Variants in NXPH1 observed in about 807,000 individuals in gnomAD.
NXPH1 encodes the protein neurexophilin 1.
A neutral mutation model predicts 23.7 loss-of-function variants in NXPH1; 5 were observed. That is an observed-to-expected ratio of 0.21 (90% CI 0.11 to 0.44). The LOEUF is 0.44. NXPH1 is among the 20% of genes least tolerant of loss of function. The probability of loss-of-function intolerance (pLI) is 0.99; values close to 1 mark genes in which losing one functional copy is unlikely to be tolerated. For missense variants in NXPH1, 324 were observed against 321.6 expected (o/e 1.01, Z -0.06); for synonymous variants, 144 against 122.2 (o/e 1.18, Z -1.18).
intron 2 of NXPH1, among the ~76,000 whole-genome samples, chr7:8,620,756 C>G (rs1583198481): frequency 6.6e-6 from 1 of 152,188 alleles, no homozygotes. Context: ...GATGAAGTTA[C>G]CGTCACTAAA....
At chr7:8,578,464 A>G (rs1050335647) in intron 2 of NXPH1, among the ~76,000 whole-genome samples, 2 of 152,218 alleles carry the variant, frequency 1.3e-5, no homozygotes, top group African/African-American at 4.8e-5. Context: ...GCTTTTCAGA[A>G]TTCATGCCAT....
chr7:8,647,080 G>A (rs568147753), intron 2 of NXPH1, among the ~76,000 whole-genome samples: 13 of 152,210 alleles, frequency 8.5e-5, no homozygotes, highest in African/African-American at 2.4e-4. Flanking sequence ...GGACAGACAC[G>A]GATACAGACA....
At chr7:8,644,663 T>A (rs1300229938) in intron 2 of NXPH1, among the ~76,000 whole-genome samples, 1 of 152,052 alleles carries the variant, frequency 6.6e-6, no homozygotes, top group Non-Finnish European at 1.5e-5. Context: ...TTTAACAGAC[T>A]AGGACTTTTT....
intron 2 of NXPH1, among the ~76,000 whole-genome samples, chr7:8,621,915 C>G (rs977881): frequency 3.2e-4 from 48 of 152,264 alleles, no homozygotes; most frequent in Admixed American, 3.1e-3. Context: ...GACAGTCTGC[C>G]TCTGAAGACC....
At chr7:8,745,863 G>T (rs975398311) in intron 2 of NXPH1, among the ~76,000 whole-genome samples, 2 of 151,400 alleles carry the variant, frequency 1.3e-5, no homozygotes, top group Admixed American at 6.6e-5. Flanking sequence ...TACTGTCCCC[G>T]GCCCTGTTCT....
intron 2 of NXPH1, among the ~76,000 whole-genome samples, chr7:8,552,784 C>T (rs1448213055): frequency 1.3e-5 from 2 of 151,530 alleles, no homozygotes; most frequent in Admixed American, 6.6e-5. Flanking sequence ...CATTCGACTA[C>T]CCTTAATTAA....
In NXPH1 at chr7:8,675,954, A is replaced by G. The variant is rs114291164; in HGVS notation, c.55-75054A>G. On this transcript the variant is annotated intron_variant, in intron 2 of 2. Coordinates refer to ENST00000405863, the MANE Select transcript of NXPH1 (RefSeq NM_152745.3). ...GTCATTCTTGGCTCCAGCTACCTCTAATTATCTAGTTTTCTATACTGTTTG... is the reference window on the plus strand; with the variant it reads ...GTCATTCTTGGCTCCAGCTACCTCTGATTATCTAGTTTTCTATACTGTTTG... Among the ~76,000 whole-genome samples, 310 of 152,198 alleles carry G rather than the reference A, an allele frequency of 2.0e-3. 2 individuals are homozygous for G. Among genetic ancestry groups the G allele is most frequent in the African/African-American group, 6.9e-3 (286 of 41,548 alleles).
chr7:8,476,462 T>G (rs1025990027), intron 2 of NXPH1, among the ~76,000 whole-genome samples: 6 of 152,076 alleles, frequency 3.9e-5, no homozygotes, highest in African/African-American at 1.4e-4. Flanking sequence ...GCAATTCATT[T>G]TTTTTTTTCC....
intron 2 of NXPH1, among the ~76,000 whole-genome samples, chr7:8,676,901 T>C (rs10267032): frequency 0.059 from 9,054 of 152,218 alleles, 907 homozygotes; most frequent in African/African-American, 0.21. Flanking sequence ...GAACCAAATA[T>C]GTTTACTCAT....
chr7:8,460,043 T>G (rs935841253), intron 2 of NXPH1, among the ~76,000 whole-genome samples: 4 of 152,216 alleles, frequency 2.6e-5, no homozygotes, highest in Non-Finnish European at 5.9e-5. Context: ...TTAGGTCTTC[T>G]GTTAGTTTTG....
chr7:8,440,727 T>G (rs1308653937), intron 2 of NXPH1, among the ~76,000 whole-genome samples: 4 of 151,968 alleles, frequency 2.6e-5, no homozygotes, highest in African/African-American at 9.7e-5. Flanking sequence ...AATAAGAAAT[T>G]TTCTGCCCTG....
At chr7:8,571,120 A>T (rs1818639204) in intron 2 of NXPH1, among the ~76,000 whole-genome samples, 2 of 152,002 alleles carry the variant, frequency 1.3e-5, no homozygotes, top group African/African-American at 4.8e-5. Context: ...ACTTAGAATT[A>T]TGTGGTCCCA....
At chr7:8,632,339 G>T (rs1172802176) in intron 2 of NXPH1, among the ~76,000 whole-genome samples, 1 of 152,016 alleles carries the variant, frequency 6.6e-6, no homozygotes, top group Non-Finnish European at 1.5e-5. Flanking sequence ...TTTATACGTT[G>T]ATTGCAATTT....
At chr7:8,676,278 C>T (rs922650468) in intron 2 of NXPH1, among the ~76,000 whole-genome samples, 1 of 152,052 alleles carries the variant, frequency 6.6e-6, no homozygotes, top group Admixed American at 6.6e-5. Context: ...AAACAGTGTT[C>T]AAATTTTGTC....
chr7:8,519,757 A>G (rs1817740130), intron 2 of NXPH1, among the ~76,000 whole-genome samples: 1 of 152,228 alleles, frequency 6.6e-6, no homozygotes, highest in Admixed American at 6.5e-5. Flanking sequence ...AGAGAAAAAT[A>G]AGAAGGCAAA....
intron 2 of NXPH1, among the ~76,000 whole-genome samples, chr7:8,594,388 T>G (rs1254192451): frequency 6.6e-6 from 1 of 152,056 alleles, no homozygotes; most frequent in African/African-American, 2.4e-5. Flanking sequence ...TAAAGATAAC[T>G]GCCTGGAACA....
intron 2 of NXPH1, among the ~76,000 whole-genome samples, chr7:8,519,528 A>C (rs1459895724): frequency 6.6e-6 from 1 of 152,232 alleles, no homozygotes; most frequent in African/African-American, 2.4e-5. Context: ...TAAAAGGACT[A>C]GGTTATACAA....
chr7:8,485,411 C>G (rs1227877663), intron 2 of NXPH1, among the ~76,000 whole-genome samples: 1 of 152,098 alleles, frequency 6.6e-6, no homozygotes, highest in Admixed American at 6.6e-5. Context: ...AAGCCGAAAA[C>G]TGAAGCCAAA....
chr7:8,514,059 A>G (rs894692606), intron 2 of NXPH1, among the ~76,000 whole-genome samples: 1 of 152,022 alleles, frequency 6.6e-6, no homozygotes, highest in African/African-American at 2.4e-5. Context: ...TCCTTTTTAT[A>G]AAGACATAAC....
Sources: gnomAD v4.1 joint callset for allele counts (sites outside exome capture counted in the v4.1 genomes callset) on GRCh38, gnomAD v4.1.1 for gene constraint, MANE v1.5 for transcripts, NCBI Gene and HGNC (gene_info 2026-07-23, HGNC 2026-07-21) for gene names.